ANAPC5: variants seen among roughly 807,000 people sequenced by gnomAD.
ANAPC5 encodes the protein anaphase promoting complex subunit 5, also known as anaphase-promoting complex subunit 5.
In ANAPC5, 60 loss-of-function variants were observed where a neutral mutation model predicts 91.3. The ratio of observed to expected loss-of-function variants is 0.66; its 90% CI spans 0.53 to 0.81. The LOEUF (loss-of-function observed/expected upper bound fraction) is 0.81, where lower values mean the gene tolerates loss of function less well. Ranked by LOEUF, ANAPC5 falls within the 40% of genes least tolerant of loss-of-function variation. ANAPC5 has a pLI of 0.00. For missense variants in ANAPC5, 690 were observed against 931.5 expected (o/e 0.74, Z 3.37); for synonymous variants, 340 against 364.1 (o/e 0.93, Z 0.75).
rs1465138792 is a variant in ANAPC5, at chr12:121,309,968, A to C, written c.1894-105T>G. On this transcript the variant is annotated intron_variant, in intron 15 of 16. Transcript: ENST00000261819. ...TCTCCTGAATGGCTATCTCTGGCTT[A>C]CCTTTTACCTGACATGTACTACGTT... 3.6e-6 allele frequency: 4 copies of C among 1,122,204 alleles called. No individual in the cohort carries two copies. In the East Asian group the frequency reaches 1.0e-4, roughly 29 times the overall value. The allele number at this position is 1,122,204 out of a possible 1,614,324, so 69.5% of individuals were successfully genotyped here. A position where few individuals can be genotyped will look rare whatever the true frequency, so the allele number is the denominator to read the frequency against.
intron 1 of ANAPC5, among the ~76,000 whole-genome samples, chr12:121,349,991 G>A (rs1162834986): frequency 6.6e-6 from 1 of 152,070 alleles, no homozygotes; most frequent in Non-Finnish European, 1.5e-5. Context: ...GGTTACAGGT[G>A]TGATCCCACC....
chr12:121,345,816 C>A (rs201565505), intron 4 of ANAPC5, 23 bp downstream of exon 4: 1 of 1,595,516 alleles, frequency 6.3e-7, no homozygotes, highest in Non-Finnish European at 8.6e-7. Context: ...GGAAAAGGAT[C>A]CCTGTCAGAA....
chr12:121,347,715 T>C, intron 2 of ANAPC5, 87 bp downstream of exon 2: 2 of 1,067,542 alleles, frequency 1.9e-6, no homozygotes, highest in Non-Finnish European at 2.8e-6. Flanking sequence ...AAGGTATCTT[T>C]TTAAAAGAAT....
intron 2 of ANAPC5, chr12:121,347,219 A>G: frequency 2.0e-6 from 1 of 508,520 alleles, no homozygotes; most frequent in South Asian, 2.8e-5. Flanking sequence ...AAATTTGTCA[A>G]ACTATCACAT....
intron 4 of ANAPC5, among the ~76,000 whole-genome samples, chr12:121,344,218 T>A (rs1384468211): frequency 2.0e-5 from 3 of 152,118 alleles, no homozygotes; most frequent in Non-Finnish European, 4.4e-5. Context: ...GGGAAACAGA[T>A]AAGCAAGCAA....
intron 1 of ANAPC5, 100 bp downstream of exon 1, chr12:121,352,034 T>A: frequency 9.4e-7 from 1 of 1,060,582 alleles, no homozygotes; most frequent in Non-Finnish European, 1.3e-6. Context: ...GCAGGGAGAG[T>A]ATCTGATGGA....
At chr12:121,318,641 T>A in intron 13 of ANAPC5, 33 bp from the exon 14 acceptor site, 1 of 1,539,930 alleles carries the variant, frequency 6.5e-7, no homozygotes, top group Non-Finnish European at 9.0e-7. Context: ...ACAAGTGTTT[T>A]AACTAGTCAC....
chr12:121,309,404 C>T (rs1902069862), intron 16 of ANAPC5, among the ~76,000 whole-genome samples: 3 of 151,876 alleles, frequency 2.0e-5, no homozygotes, highest in African/African-American at 7.3e-5. Context: ...CGCCACTGCA[C>T]TCCAGCCTGA....
At chr12:121,348,689 A>C (rs1903767810) in intron 1 of ANAPC5, among the ~76,000 whole-genome samples, 1 of 152,222 alleles carries the variant, frequency 6.6e-6, no homozygotes, top group Non-Finnish European at 1.5e-5. Context: ...GAGTACCACA[A>C]GGAATAAAGA....
Position 121,320,399 on chromosome 12 carries a change from T to C in ANAPC5, c.1501A>G (p.Ser501Gly). The C allele has an allele frequency of 6.2e-7, 1 of 1,613,766 alleles. No individual in the cohort carries two copies. Among genetic ancestry groups the C allele is most frequent in the Non-Finnish European group, 8.5e-7 (1 of 1,179,722 alleles). The change falls in exon 12 of 17, where the codon AGT becomes GGT. Residue 501 changes from serine to glycine, a missense_variant. Physicochemically the swap from Ser to Gly is moderately conservative, Grantham distance 56. Coordinates refer to ENST00000261819, the MANE Select transcript of ANAPC5 (RefSeq NM_016237.5). ...KHLKERFPPN[S>G]QHAQLWMLCD... ...AGGCAGATTACCTGGGCGTGCTGAC[T>C]ATTAGGCGGAAATCGTTCCTTCAAG...
At chr12:121,319,671 G>T in intron 13 of ANAPC5, 26 bp downstream of exon 13, 1 of 1,589,780 alleles carries the variant, frequency 6.3e-7, no homozygotes, top group South Asian at 1.2e-5. Context: ...TTTTATTCTG[G>T]GGTTAGAGTT....
At chr12:121,318,248 A>C in intron 15 of ANAPC5, 29 bp downstream of exon 15, 1 of 1,498,378 alleles carries the variant, frequency 6.7e-7, no homozygotes, top group East Asian at 2.3e-5. Flanking sequence ...GAGCACAAAT[A>C]TGTGCTATAA....
intron 10 of ANAPC5, chr12:121,327,936 G>A (rs1411621319): frequency 5.6e-6 from 1 of 179,702 alleles, no homozygotes; most frequent in Non-Finnish European, 1.2e-5. Context: ...TAAACAGGAA[G>A]GTTCCTGTCA....
At chr12:121,352,743 T>TGGTGGTGGTGGTGGTGGTGGTGGTGGTGG (rs1555275639), upstream of ANAPC5, among the ~76,000 whole-genome samples, 4 of 150,416 alleles carry the variant, frequency 2.7e-5, no homozygotes, top group Non-Finnish European at 4.5e-5. Flanking sequence ...GTGGTTGTCG[T>TGGTGGTGGTGGTGGTGGTGGTGGTGGTGG]TGTTGTTGTT....
At chr12:121,317,059 G>A (rs1407926253) in intron 15 of ANAPC5, among the ~76,000 whole-genome samples, 1 of 152,042 alleles carries the variant, frequency 6.6e-6, no homozygotes, top group Non-Finnish European at 1.5e-5. Flanking sequence ...GACAGAAACC[G>A]GTGAGAGGTT....
At chr12:121,332,577 G>GT (rs60691023) in intron 7 of ANAPC5, 126,000 of 149,370 alleles carry the variant, frequency 0.84, 55,383 homozygotes, top group East Asian at 0.98. Context: ...TCTATAACAA[G>GT]TTTTTTTTTT....
At position 121,346,016 on chromosome 12, in the gene ANAPC5, T is replaced by G; in HGVS notation, c.413A>C (p.His138Pro). Reference sequence around the variant, plus strand: ...AAGCTTACTGTAGGCCAAGATCATGTGACGCAGAAACAAACCTACAAAATA... The same window carrying G: ...AAGCTTACTGTAGGCCAAGATCATGGGACGCAGAAACAAACCTACAAAATA... ...KTSVVGLFLR[H>P]MILAYSKLSF... The change falls in exon 4 of 17, where the codon CAC (histidine) becomes CCC (proline). Residue 138 changes from histidine to proline, a missense_variant. Physicochemically the swap from His to Pro is moderately conservative, Grantham distance 77 (BLOSUM62 -2). This residue lies in a region of ANAPC5 where 238 missense variants were observed against 264.9 expected (regional missense o/e 0.90). Coordinates refer to ENST00000261819, the MANE Select transcript of ANAPC5 (RefSeq NM_016237.5). The G allele has an allele frequency of 6.2e-7, 1 of 1,606,138 alleles. No homozygotes were observed. Among genetic ancestry groups the G allele is most frequent in the Non-Finnish European group, 8.5e-7 (1 of 1,177,406 alleles).
intron 11 of ANAPC5, among the ~76,000 whole-genome samples, chr12:121,325,615 C>T (rs968106917): frequency 3.3e-5 from 5 of 151,858 alleles, no homozygotes; most frequent in Non-Finnish European, 7.4e-5. Context: ...ATCTATAATC[C>T]TAGCACTTTG....
At chr12:121,343,524 T>C (rs946532256) in intron 4 of ANAPC5, among the ~76,000 whole-genome samples, 7 of 152,206 alleles carry the variant, frequency 4.6e-5, no homozygotes, top group African/African-American at 1.7e-4. Context: ...AACCTGGGGA[T>C]CTGACTGCAG....
Sources: gnomAD v4.1 joint callset for allele counts (sites outside exome capture counted in the v4.1 genomes callset) on GRCh38, gnomAD v4.1.1 for gene constraint, gnomAD v4.1.1 regional missense constraint, MANE v1.5 for transcripts, NCBI Gene and HGNC (gene_info 2026-07-23, HGNC 2026-07-21) for gene names.